JAKMIP1: variants seen among roughly 807,000 people sequenced by gnomAD.
The protein encoded by JAKMIP1 is janus kinase and microtubule interacting protein 1.
JAKMIP1 carries 33 observed loss-of-function variants against 113.0 expected under a neutral mutation model. The observed-to-expected ratio is 0.29, with a 90% CI of 0.22 to 0.39. The LOEUF (loss-of-function observed/expected upper bound fraction) is 0.39. JAKMIP1 is among the 10% of genes least tolerant of loss of function. The pLI, the probability that JAKMIP1 is intolerant of heterozygous loss-of-function variation, is 1.00. For synonymous variants in JAKMIP1, 480 were observed against 459.9 expected, an observed-to-expected ratio of 1.04 and a Z score of -0.56; for missense variants, 813 against 1,080.5, an observed-to-expected ratio of 0.75 and a Z score of 3.47.
At chr4:6,066,602 G>T (rs1718119095) in intron 8 of JAKMIP1, among the ~76,000 whole-genome samples, 2 of 152,116 alleles carry the variant, frequency 1.3e-5, no homozygotes, top group Non-Finnish European at 2.9e-5. Flanking sequence ...AGCAGCAGCA[G>T]CTCATGCTTC....
In JAKMIP1 at chr4:6,067,124, C is replaced by T. The variant is rs988183234; in HGVS notation, c.1303-2116G>A. On this transcript the variant is annotated intron_variant, in intron 8 of 20. Transcript: ENST00000409021. The surrounding 1 kb of genome is among the most constrained non-coding windows in gnomAD (Gnocchi z 4.6). ...TTTCCATAGCACATCTCCCCGCTGA[C>T]GTAAGATCTGGCAAGCTATTGTGTT... Among the ~76,000 whole-genome samples the T allele has an allele frequency of 2.6e-5, 4 of 152,202 alleles. No homozygotes were observed. The highest frequency in any genetic ancestry group is 2.1e-4 in the South Asian group (1 of 4,832).
At chr4:6,105,017 A>C (rs13111011) in intron 3 of JAKMIP1, among the ~76,000 whole-genome samples, 24,078 of 152,196 alleles carry the variant, frequency 0.16, 2,193 homozygotes, top group East Asian at 0.42. Flanking sequence ...TTCCCTTTGG[A>C]ATTTTAGTTC....
chr4:6,073,479 G>A (rs567771012), intron 8 of JAKMIP1, among the ~76,000 whole-genome samples: 4 of 152,322 alleles, frequency 2.6e-5, no homozygotes, highest in Non-Finnish European at 4.4e-5. Flanking sequence ...CTTAAAGGAT[G>A]ATTACTGCAA....
In JAKMIP1 at chr4:6,065,088, G is replaced by C. The variant is rs1483401377; in HGVS notation, c.1303-80C>G. 1 of 1,548,218 alleles carries C rather than the reference G, an allele frequency of 6.5e-7. No homozygotes were observed. The highest frequency in any genetic ancestry group is 8.9e-7 in the Non-Finnish European group (1 of 1,128,670). On this transcript the variant is annotated intron_variant, in intron 8 of 20. Coordinates refer to ENST00000409021, the MANE Select transcript of JAKMIP1 (RefSeq NM_001099433.2). The surrounding 1 kb of genome is among the most constrained non-coding windows in gnomAD (Gnocchi z 5.1). ...CCAGTCCCTGGTCGTGGGCATGCCAGTGCAGGGGGGTGATGATTGACATTT... is the reference window on the plus strand; with the variant it reads ...CCAGTCCCTGGTCGTGGGCATGCCACTGCAGGGGGGTGATGATTGACATTT...
At chr4:6,151,781 G>A (rs896449863) in intron 1 of JAKMIP1, among the ~76,000 whole-genome samples, 2 of 152,166 alleles carry the variant, frequency 1.3e-5, no homozygotes, top group Non-Finnish European at 2.9e-5. Flanking sequence ...AGGCCAGTGA[G>A]TCCTTCCACT....
intron 1 of JAKMIP1, among the ~76,000 whole-genome samples, chr4:6,161,181 CCTCCCCTGATCTCCACTCAT>C (rs1261705190): frequency 1.4e-5 from 2 of 147,794 alleles, no homozygotes; most frequent in African/African-American, 5.0e-5. Context: ...TCTCCACTCA[CCTCCCCTGATCTCCACTCAT>C]CTCCCCGATC....
At chr4:6,149,758 G>C (rs1379952692) in intron 1 of JAKMIP1, among the ~76,000 whole-genome samples, 2 of 152,084 alleles carry the variant, frequency 1.3e-5, no homozygotes, top group Non-Finnish European at 2.9e-5. Flanking sequence ...GCACAGAGCA[G>C]CCCTCCTTTG....
chr4:6,034,575 G>A (rs1332964027), intron 19 of JAKMIP1, among the ~76,000 whole-genome samples: 1 of 152,194 alleles, frequency 6.6e-6, no homozygotes, highest in Non-Finnish European at 1.5e-5. Context: ...GCCTAGGTGG[G>A]TGGATCACTT....
intron 8 of JAKMIP1, among the ~76,000 whole-genome samples, chr4:6,075,723 G>A (rs777936282): frequency 2.0e-5 from 3 of 152,120 alleles, no homozygotes; most frequent in Non-Finnish European, 4.4e-5. Flanking sequence ...AACTATTTAG[G>A]GACTATTTAG....
chr4:6,040,541 T>G lies in JAKMIP1; in HGVS notation c.2175+98A>C. ...CATTTTTATCACTCCTGTTTGGCAC[T>G]GGGGAGCGCCCTAAATGCAGTTTCA... On this transcript the variant is annotated intron_variant, in intron 18 of 20. Transcript: ENST00000409021. The surrounding 1 kb of genome is among the most constrained non-coding windows in gnomAD (Gnocchi z 5.8). 1.2e-6 allele frequency: 1 copy of G among 813,446 alleles called. No homozygotes were observed. The highest frequency in any genetic ancestry group is 1.4e-5 in the South Asian group (1 of 69,620). The allele number at this position is 813,446 out of a possible 1,614,324, so 50.4% of individuals were successfully genotyped here.
rs1375559679 is a variant in JAKMIP1 at position 6,188,731 on chromosome 4, T to C, written c.-148+11522A>G. 6.6e-6 allele frequency among the ~76,000 whole-genome samples: 1 copy of C among 152,182 alleles called. No homozygotes were observed. Among genetic ancestry groups the C allele is most frequent in the Non-Finnish European group, 1.5e-5 (1 of 68,032 alleles). On this transcript the variant is annotated intron_variant, in intron 1 of 20. Transcript: ENST00000409021. This position sits in a 1 kb window ranked among gnomAD's most constrained non-coding sequence, Gnocchi z 5.8. Reference sequence around the variant, plus strand: ...TATCCTATCCAGCAATAAGACTTGTTTGTGTCTTCAGTCTGAAGTGTCTTG... The same window carrying C: ...TATCCTATCCAGCAATAAGACTTGTCTGTGTCTTCAGTCTGAAGTGTCTTG...
At chr4:6,041,284 T>C (rs759101154) in intron 17 of JAKMIP1, among the ~76,000 whole-genome samples, 1 of 152,164 alleles carries the variant, frequency 6.6e-6, no homozygotes, top group Non-Finnish European at 1.5e-5. Context: ...CACTTCCTTT[T>C]ATAGACAAGG....
intron 3 of JAKMIP1, among the ~76,000 whole-genome samples, chr4:6,101,672 A>C (rs1265946729): frequency 6.8e-6 from 1 of 146,562 alleles, no homozygotes; most frequent in African/African-American, 2.5e-5. Flanking sequence ...GGATCACTTG[A>C]GATCAGGAGT....
chr4:6,105,392 T>A, intron 3 of JAKMIP1, 81 bp downstream of exon 3: 2 of 1,375,008 alleles, frequency 1.5e-6, no homozygotes, highest in Non-Finnish European at 2.0e-6. Flanking sequence ...GCACAGCAGG[T>A]CCTCGGAGCT....
intron 19 of JAKMIP1, among the ~76,000 whole-genome samples, chr4:6,034,619 T>C (rs1713165115): frequency 6.6e-6 from 1 of 152,104 alleles, no homozygotes; most frequent in African/African-American, 2.4e-5. Flanking sequence ...CTGGCCAACA[T>C]GGAGAAACGC....
chr4:6,152,789 A>AATATATATATATATATATATATATATAT (rs35192547), intron 1 of JAKMIP1, among the ~76,000 whole-genome samples: 17 of 135,270 alleles, frequency 1.3e-4, no homozygotes, highest in African/African-American at 4.6e-4. Context: ...TAAAAATACA[A>AATATATATATATATATATATATATATAT]ATATATATAT....
chr4:6,191,085 C>T (rs1231689432), intron 1 of JAKMIP1, among the ~76,000 whole-genome samples: 1 of 152,182 alleles, frequency 6.6e-6, no homozygotes, highest in African/African-American at 2.4e-5. Context: ...CTCTTCAATC[C>T]TGGTGCAATT....
At chr4:6,057,857 A>C (rs1378458728) in intron 11 of JAKMIP1, among the ~76,000 whole-genome samples, 2 of 152,208 alleles carry the variant, frequency 1.3e-5, no homozygotes, top group Non-Finnish European at 1.5e-5. Context: ...GCTTGCCCCC[A>C]AACCATGGGG....
intron 18 of JAKMIP1, among the ~76,000 whole-genome samples, chr4:6,038,960 G>A (rs1713939762): frequency 1.3e-5 from 2 of 152,220 alleles, no homozygotes; most frequent in South Asian, 4.1e-4. Context: ...TGCTGTCCTG[G>A]CCCCAGCATG....
Sources: allele counts gnomAD v4.1 joint callset (sites outside exome capture counted in the v4.1 genomes callset), GRCh38; gene constraint gnomAD v4.1.1; non-coding constraint Gnocchi (gnomAD v3.1); transcripts MANE v1.5; gene names NCBI Gene and HGNC (gene_info 2026-07-23, HGNC 2026-07-21).